TTC28: variants seen among roughly 807,000 people sequenced by gnomAD.
TTC28 encodes the protein tetratricopeptide repeat domain 28.
TTC28 carries 61 observed loss-of-function variants against 198.0 expected under a neutral mutation model. That is an observed-to-expected ratio of 0.31 (90% CI 0.25 to 0.38). The LOEUF is 0.38. Among genes scored for constraint, TTC28 ranks in the 10% least tolerant of loss-of-function variants. The probability of loss-of-function intolerance (pLI) is 1.00; values close to 1 mark genes in which losing one functional copy is unlikely to be tolerated. For synonymous variants in TTC28, 1,171 were observed against 1,297.8 expected (o/e 0.90, Z 2.10); for missense variants, 2,678 against 3,164.0 (o/e 0.85, Z 3.69).
chr22:28,529,330 G>A (rs191152849), intron 2 of TTC28, among the ~76,000 whole-genome samples: 10 of 152,298 alleles, frequency 6.6e-5, no homozygotes, highest in East Asian at 3.9e-4. Context: ...GTCTGAGATC[G>A]AACTGCAAGG....
intron 7 of TTC28, among the ~76,000 whole-genome samples, chr22:28,106,595 T>A (rs1178875526): frequency 6.6e-6 from 1 of 152,184 alleles, no homozygotes; most frequent in Non-Finnish European, 1.5e-5. Context: ...TGCATTCTCC[T>A]ATTATCAGGT....
chr22:28,122,840 T>C (rs960241541), intron 6 of TTC28, among the ~76,000 whole-genome samples: 1 of 152,206 alleles, frequency 6.6e-6, no homozygotes, highest in Non-Finnish European at 1.5e-5. Flanking sequence ...TTTTGTAGAA[T>C]AAAAATTGTT....
chr22:28,583,205 T>C (rs1878686564), intron 2 of TTC28, among the ~76,000 whole-genome samples: 1 of 152,156 alleles, frequency 6.6e-6, no homozygotes, highest in Admixed American at 6.5e-5. Context: ...AATCATTTTT[T>C]AAAAAAATGA....
intron 10 of TTC28, among the ~76,000 whole-genome samples, chr22:28,097,709 G>A (rs1169110396): frequency 1.3e-5 from 2 of 152,222 alleles, no homozygotes; most frequent in African/African-American, 2.4e-5. Flanking sequence ...ACCAGATGCT[G>A]CAGCTGTGAC....
intron 6 of TTC28, among the ~76,000 whole-genome samples, chr22:28,115,450 CTTCT>C (rs1157428210): frequency 6.6e-6 from 1 of 152,224 alleles, no homozygotes; most frequent in Non-Finnish European, 1.5e-5. Flanking sequence ...GTGCCAATTT[CTTCT>C]TTATTAACAT....
intron 5 of TTC28, among the ~76,000 whole-genome samples, chr22:28,196,591 A>G (rs1418183398): frequency 6.6e-6 from 1 of 152,194 alleles, no homozygotes; most frequent in Non-Finnish European, 1.5e-5. Flanking sequence ...CAAATTTACA[A>G]GAAAAAAACA....
chr22:28,270,346 A>C (rs763530490), intron 5 of TTC28, among the ~76,000 whole-genome samples: 6 of 152,202 alleles, frequency 3.9e-5, no homozygotes, highest in Non-Finnish European at 7.3e-5. Context: ...TAAAAACAAA[A>C]TAAAGAGAGA....
chr22:28,185,629 A>AT (rs1405528773), intron 5 of TTC28, among the ~76,000 whole-genome samples: 1 of 152,192 alleles, frequency 6.6e-6, no homozygotes, highest in Non-Finnish European at 1.5e-5. Context: ...AAAGGAAAAA[A>AT]TTGTTGTAAT....
intron 1 of TTC28, among the ~76,000 whole-genome samples, chr22:28,635,218 G>T (rs1401875620): frequency 1.3e-5 from 2 of 152,136 alleles, no homozygotes; most frequent in Admixed American, 1.3e-4. Flanking sequence ...CTAGTCGGGA[G>T]GCTGAGGCAG....
chr22:28,157,731 G>A (rs191193563), intron 6 of TTC28, among the ~76,000 whole-genome samples: 1 of 151,998 alleles, frequency 6.6e-6, no homozygotes, highest in African/African-American at 2.4e-5. Flanking sequence ...TCATAAAAAC[G>A]CTCAAAAAAA....
At chr22:28,101,368 T>C in intron 8 of TTC28, 88 bp from the exon 9 acceptor site, 1 of 1,114,058 alleles carries the variant, frequency 9.0e-7, no homozygotes, top group Non-Finnish European at 1.3e-6. Context: ...TTTACTTTTG[T>C]GTTTTTGTTT....
At chr22:28,573,999 T>G (rs7291621) in intron 2 of TTC28, among the ~76,000 whole-genome samples, 1 of 152,150 alleles carries the variant, frequency 6.6e-6, no homozygotes, top group Non-Finnish European at 1.5e-5. Context: ...TCCAGTCCTA[T>G]TCACGTTGTT....
At chr22:28,201,960 G>T (rs935436815) in intron 5 of TTC28, among the ~76,000 whole-genome samples, 2 of 152,086 alleles carry the variant, frequency 1.3e-5, no homozygotes, top group African/African-American at 4.8e-5. Flanking sequence ...GAAGCCAAAT[G>T]AAATAGCCTA....
chr22:28,562,985 T>A (rs1473268516), intron 2 of TTC28, among the ~76,000 whole-genome samples: 1 of 151,974 alleles, frequency 6.6e-6, no homozygotes, highest in Non-Finnish European at 1.5e-5. Context: ...TTGCCAGGTG[T>A]GGTGGCGTGT....
At chr22:28,443,003 C>T (rs1253755798) in intron 2 of TTC28, 3 of 152,488 alleles carry the variant, frequency 2.0e-5, no homozygotes, top group African/African-American at 7.2e-5. Flanking sequence ...ATGCTGCCTC[C>T]CTCCCACCCC....
At chr22:27,996,320 G>A in intron 16 of TTC28, 61 bp from the exon 17 acceptor site, 1 of 1,526,044 alleles carries the variant, frequency 6.6e-7, no homozygotes, top group Non-Finnish European at 8.8e-7. Context: ...CCCCACCCCG[G>A]CTTCCAGGGC....
chr22:28,202,744 G>A (rs907964301), intron 5 of TTC28, among the ~76,000 whole-genome samples: 7 of 151,990 alleles, frequency 4.6e-5, no homozygotes, highest in African/African-American at 1.7e-4. Flanking sequence ...TGCCACCAAA[G>A]CTTTCTATCT....
At position 27,983,643 on chromosome 22, in the gene TTC28, G is replaced by C; in HGVS notation, c.6024C>G (p.Pro2008=). Residue 2008 remains proline (P), a synonymous_variant, in exon 23 of 23, where the codon CCC becomes CCG. Coordinates refer to ENST00000397906, the MANE Select transcript of TTC28 (RefSeq NM_001145418.2). ...GGCCTCCACCCTCTGATCCACCCTC[G>C]GGTTTGGAGACAAAGCTCATTGAGG... is the stretch of plus-strand genomic sequence containing the variant. ...IASSMSFVSK[P]EGGSEGGGPG... is the part of the protein sequence containing the mutation. 1.9e-6 allele frequency: 3 copies of C among 1,543,646 alleles called. No individual in the cohort carries two copies. The highest frequency in any genetic ancestry group is 2.4e-5 in the East Asian group (1 of 40,842).
At chr22:28,505,193 C>G (rs200275402) in intron 2 of TTC28, among the ~76,000 whole-genome samples, 1 of 138,630 alleles carries the variant, frequency 7.2e-6, no homozygotes, top group Non-Finnish European at 1.5e-5. Context: ...GGAGGCGGAG[C>G]TTGCAGTGAG....
Sources: allele counts gnomAD v4.1 joint callset (sites outside exome capture counted in the v4.1 genomes callset), GRCh38; gene constraint gnomAD v4.1.1; transcripts MANE v1.5; gene names NCBI Gene and HGNC (gene_info 2026-07-23, HGNC 2026-07-21).